The following CRACDL variants were observed in gnomAD, a reference collection of about 807,000 sequenced individuals.
CRACDL encodes CRACD-like protein.
CRACDL carries 26 observed loss-of-function variants against 70.6 expected under a neutral mutation model. The observed-to-expected ratio is 0.37, with a 90% CI of 0.27 to 0.51. The LOEUF is 0.51. Ranked by LOEUF, CRACDL falls within the 20% of genes least tolerant of loss-of-function variation. The probability of loss-of-function intolerance (pLI) is 0.94; values close to 1 mark genes in which losing one functional copy is unlikely to be tolerated. For synonymous variants in CRACDL, 618 were observed against 615.2 expected (o/e 1.00, Z -0.07); for missense variants, 1,283 against 1,376.9 (o/e 0.93, Z 1.08).
chr2:98,859,897 CAT>C (rs1491286691), intron 1 of CRACDL, among the ~76,000 whole-genome samples: 1 of 152,100 alleles, frequency 6.6e-6, no homozygotes, highest in African/African-American at 2.4e-5. Flanking sequence ...TGATCATGCA[CAT>C]AGATAATGTT....
intron 1 of CRACDL, among the ~76,000 whole-genome samples, chr2:98,927,718 C>G (rs1368390408): frequency 6.6e-6 from 1 of 152,166 alleles, no homozygotes; most frequent in Non-Finnish European, 1.5e-5. Flanking sequence ...AACTAACTGG[C>G]AAATGGTTGA....
At chr2:98,859,906 T>C (rs12478574) in intron 1 of CRACDL, among the ~76,000 whole-genome samples, 57,438 of 152,016 alleles carry the variant, frequency 0.38, 11,363 homozygotes, top group African/African-American at 0.49. Flanking sequence ...ACATAGATAA[T>C]GTTGAGGGAT....
chr2:98,905,627 ATTTT>A (rs34712128), intron 1 of CRACDL, among the ~76,000 whole-genome samples: 50 of 130,724 alleles, frequency 3.8e-4, no homozygotes, highest in African/African-American at 1.2e-3. Context: ...GTGTTACCTC[ATTTT>A]TTTTTTTTTT....
chr2:98,929,585 G>A (rs1709019543), intron 1 of CRACDL, among the ~76,000 whole-genome samples: 2 of 152,132 alleles, frequency 1.3e-5, no homozygotes, highest in African/African-American at 2.4e-5. Flanking sequence ...AAAGCTTCGC[G>A]AACCTCTACA....
intron 3 of CRACDL, among the ~76,000 whole-genome samples, chr2:98,835,294 C>T (rs1705724189): frequency 6.6e-6 from 1 of 152,222 alleles, no homozygotes; most frequent in Non-Finnish European, 1.5e-5. Context: ...AATTAGTAAT[C>T]ATCGCCCCTG....
intron 1 of CRACDL, among the ~76,000 whole-genome samples, chr2:98,895,396 T>C (rs1558627729): frequency 6.6e-6 from 1 of 151,970 alleles, no homozygotes; most frequent in African/African-American, 2.4e-5. Context: ...TAGGCTGAAG[T>C]TGGACAGGTG....
chr2:98,893,610 C>A (rs1014849104), intron 1 of CRACDL, among the ~76,000 whole-genome samples: 1 of 152,204 alleles, frequency 6.6e-6, no homozygotes, highest in Non-Finnish European at 1.5e-5. Context: ...TCATATCCTG[C>A]TGTGTAAACA....
Position 98,823,323 on chromosome 2 carries a change from G to A in CRACDL, c.950C>T (p.Ala317Val), listed in dbSNP as rs1705173847. The A allele has an allele frequency of 2.7e-6, 4 of 1,476,326 alleles. No homozygotes were observed. Among genetic ancestry groups the A allele is most frequent in the African/African-American group, 1.4e-5 (1 of 70,418 alleles). 91.5% of individuals were successfully genotyped at this position (1,476,326 alleles called of 1,614,324 possible). Residue 317 changes from alanine to valine, a missense_variant, in exon 7 of 10, where the codon GCG (alanine) becomes GTG (valine). By Grantham distance (64) the Ala-to-Val change is moderately conservative. Coordinates refer to ENST00000397899, the MANE Select transcript of CRACDL (RefSeq NM_207362.3). The surrounding 1 kb of genome is among the most constrained non-coding windows in gnomAD (Gnocchi z 4.0). ...ARRARLQHSS[A>V]LTASVEEGGV... ...CCCCTCCTCCACGCTGGCCGTGAGCGCGGAGGAGTGCTGCAGGCGGGCGCG... is the reference window on the plus strand; with the variant it reads ...CCCCTCCTCCACGCTGGCCGTGAGCACGGAGGAGTGCTGCAGGCGGGCGCG...
chr2:98,837,942 A>G (rs1195804169), intron 3 of CRACDL, among the ~76,000 whole-genome samples, 177 bp downstream of exon 3: 2 of 152,182 alleles, frequency 1.3e-5, no homozygotes, highest in African/African-American at 4.8e-5. Flanking sequence ...GTGGACTTAA[A>G]CACACACAGC....
At position 98,861,774 on chromosome 2, in the gene CRACDL, T is replaced by C. The variant is rs970201706; in HGVS notation, c.-10-14964A>G. ...TCCAAGGGAAGGACTGGGGGGTACA[T>C]TGTGGTTAATTTCTGCCCATTTCTG... On this transcript the variant is annotated intron_variant, in intron 1 of 9. Coordinates refer to ENST00000397899, the MANE Select transcript of CRACDL (RefSeq NM_207362.3). Among the ~76,000 whole-genome samples, 6 of 152,252 alleles carry C rather than the reference T, an allele frequency of 3.9e-5. No individual in the cohort carries two copies. In the East Asian group the frequency reaches 5.8e-4, roughly 15 times the overall value.
chr2:98,829,466 G>A (rs1575359515), intron 5 of CRACDL, among the ~76,000 whole-genome samples: 1 of 152,172 alleles, frequency 6.6e-6, no homozygotes, highest in East Asian at 1.9e-4. Flanking sequence ...GATCAGTGAT[G>A]TAACTACGTG....
rs1391702354 is a variant in CRACDL at position 98,797,351 on chromosome 2, T to C, written c.2603A>G (p.Gln868Arg). 1 of 1,614,012 alleles carries C rather than the reference T, an allele frequency of 6.2e-7. No individual in the cohort carries two copies. The highest frequency in any genetic ancestry group is 1.3e-5 in the African/African-American group (1 of 74,940). The part of the protein sequence containing the change: ...GKQAKVPERG[Q>R]EPVKQADFVR... ...AACAGAAGTATTTGCTCTAAGCACC[T>C]GGCCTCTCTCGGGCACCTTGGCTTG... Residue 868 changes from glutamine to arginine, a missense_variant and splice_region_variant, in exon 8 of 10, where the codon CAG (glutamine) becomes CGG (arginine). By Grantham distance (43) the Gln-to-Arg change is conservative. Transcript: ENST00000397899.
At chr2:98,866,383 A>C (rs1480187721) in intron 1 of CRACDL, among the ~76,000 whole-genome samples, 2 of 152,050 alleles carry the variant, frequency 1.3e-5, no homozygotes, top group East Asian at 3.9e-4. Context: ...GGTAGTGCTC[A>C]ATAAATATTG....
At chr2:98,893,307 C>CA (rs1708027616) in intron 1 of CRACDL, among the ~76,000 whole-genome samples, 1 of 151,232 alleles carries the variant, frequency 6.6e-6, no homozygotes, top group African/African-American at 2.4e-5. Context: ...TTTTTTTAGA[C>CA]GAGTCTCGCT....
intron 5 of CRACDL, among the ~76,000 whole-genome samples, chr2:98,828,967 A>G (rs1705428280): frequency 6.6e-6 from 1 of 152,258 alleles, no homozygotes; most frequent in Admixed American, 6.5e-5. Flanking sequence ...ACATTTAAAA[A>G]TAAGCATACA....
intron 1 of CRACDL, among the ~76,000 whole-genome samples, chr2:98,920,085 T>C (rs1708765509): frequency 6.6e-6 from 1 of 152,196 alleles, no homozygotes; most frequent in African/African-American, 2.4e-5. Flanking sequence ...TTTTAATATC[T>C]GGTAAGTTAT....
chr2:98,858,876 A>C (rs985176298), intron 1 of CRACDL, among the ~76,000 whole-genome samples: 4 of 152,204 alleles, frequency 2.6e-5, no homozygotes, highest in African/African-American at 9.6e-5. Flanking sequence ...ATGCCAAAAA[A>C]TTAGACAACC....
At chr2:98,933,560 A>G (rs562473688) in intron 1 of CRACDL, among the ~76,000 whole-genome samples, 1 of 152,300 alleles carries the variant, frequency 6.6e-6, no homozygotes, top group East Asian at 1.9e-4. Flanking sequence ...CCTTTCCACA[A>G]TAAACCCTGG....
At chr2:98,908,427 G>A (rs558307003) in intron 1 of CRACDL, 2 of 152,420 alleles carry the variant, frequency 1.3e-5, no homozygotes, top group South Asian at 2.1e-4. Flanking sequence ...GCAGTGAGTA[G>A]TCTGGCAGGG....
Sources: gnomAD v4.1 joint callset for allele counts (sites outside exome capture counted in the v4.1 genomes callset) on GRCh38, gnomAD v4.1.1 for gene constraint, Gnocchi (gnomAD v3.1) non-coding constraint, MANE v1.5 for transcripts, NCBI Gene and HGNC (gene_info 2026-07-23, HGNC 2026-07-21) for gene names.